Variants in IGLON5 observed in about 807,000 individuals in gnomAD.
IGLON5 encodes the protein IgLON family member 5, also known as Ig-like domain-containing protein ENSP00000270642.
Under a neutral mutation model 38.2 loss-of-function variants are expected in IGLON5, and 16 were observed. That is an observed-to-expected ratio of 0.42 (90% CI 0.28 to 0.64). The LOEUF (loss-of-function observed/expected upper bound fraction) is 0.64, where lower values mean the gene tolerates loss of function less well. Among genes scored for constraint, IGLON5 ranks in the 30% least tolerant of loss-of-function variants. The pLI, the probability that IGLON5 is intolerant of heterozygous loss-of-function variation, is 0.23. For synonymous variants in IGLON5, 207 were observed against 216.4 expected (o/e 0.96, Z 0.38); for missense variants, 366 against 483.4 (o/e 0.76, Z 2.28).
chr19:51,325,609 A>G lies in IGLON5; in HGVS notation c.511+144A>G. ...CTCCCACTCTGCTTCCAGTTATTTC[A>G]TCCACAGACCACAAACCCCAGACCT... is the stretch of plus-strand genomic sequence containing the variant. On this transcript the variant is annotated intron_variant, in intron 4 of 7. Coordinates refer to ENST00000270642, the MANE Select transcript of IGLON5 (RefSeq NM_001101372.3). This position sits in a 1 kb window ranked among gnomAD's most constrained non-coding sequence, Gnocchi z 5.5. 1.1e-6 allele frequency: 1 copy of G among 930,864 alleles called. No homozygotes were observed. The highest frequency in any genetic ancestry group is 1.6e-6 in the Non-Finnish European group (1 of 644,668). 57.7% of individuals were successfully genotyped at this position (930,864 alleles called of 1,614,324 possible). A position where few individuals can be genotyped will look rare whatever the true frequency, so the allele number is the denominator to read the frequency against.
chr19:51,313,893 T>C (rs368423490), intron 1 of IGLON5, among the ~76,000 whole-genome samples: 53 of 151,802 alleles, frequency 3.5e-4, no homozygotes, highest in African/African-American at 1.2e-3. Flanking sequence ...GGCTAATTTT[T>C]AATTTTTTTT....
At chr19:51,323,217 T>C (rs930355962) in intron 2 of IGLON5, among the ~76,000 whole-genome samples, 2 of 149,454 alleles carry the variant, frequency 1.3e-5, no homozygotes, top group Non-Finnish European at 3.0e-5. Flanking sequence ...TCCGGGTCTC[T>C]GTCCCCCTCT....
At position 51,311,968 on chromosome 19, in the gene IGLON5, G is replaced by A. The variant is rs528007599; in HGVS notation, c.79+42G>A. 467 of 1,127,434 alleles carry A rather than the reference G, an allele frequency of 4.1e-4. 3 individuals carry two copies. In the African/African-American group the frequency reaches 6.6e-3, roughly 16 times the overall value. The allele number at this position is 1,127,434 out of a possible 1,614,324, so 69.8% of individuals were successfully genotyped here. ...GGCGGGGGGCTCGGCCGGGACGCCA[G>A]GGTCTTGGGTGGGTAATCGGGGGAT... On this transcript the variant is annotated intron_variant, in intron 1 of 7. Transcript: ENST00000270642.
intron 2 of IGLON5, 33 bp from the exon 3 acceptor site, chr19:51,323,629 G>A (rs1199636458): frequency 5.7e-6 from 9 of 1,569,360 alleles, no homozygotes; most frequent in Admixed American, 5.2e-5. Context: ...CTGGGTGGGT[G>A]GAGAAAAACC....
At position 51,327,096 on chromosome 19, in the gene IGLON5, G is replaced by A. The variant is rs1326220571; in HGVS notation, c.663G>A (p.Thr221=). 5 of 1,609,522 alleles carry A rather than the reference G, an allele frequency of 3.1e-6. No homozygotes were observed. Among genetic ancestry groups the A allele is most frequent in the Non-Finnish European group, 4.2e-6 (5 of 1,178,036 alleles). Residue 221 remains threonine (T), a synonymous_variant, in exon 6 of 8, where the codon ACG becomes ACA. Transcript: ENST00000270642. The surrounding 1 kb of genome is among the most constrained non-coding windows in gnomAD (Gnocchi z 7.1). The stretch of plus-strand genomic sequence containing the variant: ...CCTCGCCAGATCCTCCGACCATCAC[G>A]GACGTGACCAGCGCCCGCACCGCGC... The part of the protein sequence containing the change: ...LVTVNYPPTI[T]DVTSARTALG...
In IGLON5 at chr19:51,325,278, C is replaced by G; in HGVS notation, c.392-68C>G. On this transcript the variant is annotated intron_variant, in intron 3 of 7. Transcript: ENST00000270642. This position sits in a 1 kb window ranked among gnomAD's most constrained non-coding sequence, Gnocchi z 5.5. ...GGGCTGGGGGTCTGGACTCCTGGGT[C>G]TGAAGGAGGAAGGGCTGGGGGCCTG... 1 of 1,573,222 alleles carries G rather than the reference C, an allele frequency of 6.4e-7. No individual in the cohort carries two copies. The highest frequency in any genetic ancestry group is 8.6e-7 in the Non-Finnish European group (1 of 1,160,110).
chr19:51,312,612 T>C (rs1372259587), intron 1 of IGLON5, among the ~76,000 whole-genome samples: 1 of 151,808 alleles, frequency 6.6e-6, no homozygotes, highest in African/African-American at 2.4e-5. Context: ...GAAGTTGGGG[T>C]GCTGGGCTGG....
chr19:51,328,698 C>T lies in IGLON5; in HGVS notation c.950C>T (p.Pro317Leu), dbSNP rs746022701. The T allele has an allele frequency of 3.5e-5, 56 of 1,594,358 alleles. No individual in the cohort carries two copies. The highest frequency in any genetic ancestry group is 4.5e-5 in the Non-Finnish European group (53 of 1,170,594). ...LRPGSLENSA[P>L]RPPGLLALLS... The stretch of plus-strand genomic sequence containing the variant: ...CCAGGATCCCTGGAGAACTCAGCCC[C>T]GAGGCCCCCAGGGCTCCTGGCCCTC... The change falls in exon 8 of 8, where the codon CCG becomes CTG. Residue 317 changes from proline to leucine, a missense_variant. Physicochemically the swap from Pro to Leu is moderately conservative, Grantham distance 98 (BLOSUM62 -3). Coordinates refer to ENST00000270642, the MANE Select transcript of IGLON5 (RefSeq NM_001101372.3).
rs543392533 is a variant in IGLON5 at position 51,327,008 on chromosome 19, G to C, written c.647-72G>C. On this transcript the variant is annotated intron_variant, in intron 5 of 7. Coordinates refer to ENST00000270642, the MANE Select transcript of IGLON5 (RefSeq NM_001101372.3). This position sits in a 1 kb window ranked among gnomAD's most constrained non-coding sequence, Gnocchi z 7.1. ...GGCGAGACTTACGGGCCTGAGGGAG[G>C]CGGGGGCTGGGGGCGGGACCCCTTC... 10 of 1,593,442 alleles carry C rather than the reference G, an allele frequency of 6.3e-6. No homozygotes were observed. The highest frequency in any genetic ancestry group is 5.6e-5 in the South Asian group (5 of 89,508).
intron 1 of IGLON5, among the ~76,000 whole-genome samples, chr19:51,316,344 CA>C (rs552905197): frequency 0.012 from 976 of 83,576 alleles, 2 homozygotes; most frequent in Non-Finnish European, 0.015. Context: ...TACCCTGTCT[CA>C]AAAAAAAAAA....
intron 1 of IGLON5, among the ~76,000 whole-genome samples, chr19:51,317,763 G>A (rs536168904): frequency 6.6e-6 from 1 of 152,320 alleles, no homozygotes; most frequent in South Asian, 2.1e-4. Flanking sequence ...GCCAACAGCT[G>A]AGCTAGACAC....
At chr19:51,313,695 CTTCT>C (rs1177387518) in intron 1 of IGLON5, among the ~76,000 whole-genome samples, 1 of 51,226 alleles carries the variant, frequency 2.0e-5, no homozygotes, top group Middle Eastern at 8.6e-3. Context: ...TTCTTTCTTT[CTTCT>C]TTCTTCTCTT....
At chr19:51,316,768 A>G (rs1341618338) in intron 1 of IGLON5, among the ~76,000 whole-genome samples, 1 of 152,120 alleles carries the variant, frequency 6.6e-6, no homozygotes, top group Non-Finnish European at 1.5e-5. Flanking sequence ...TGCTGGCATT[A>G]TAGGCGTGAA....
At chr19:51,317,305 C>T (rs1045696232) in intron 1 of IGLON5, among the ~76,000 whole-genome samples, 6 of 152,202 alleles carry the variant, frequency 3.9e-5, no homozygotes, top group Non-Finnish European at 5.9e-5. Context: ...AGCCAGCTCA[C>T]GGACGGCTGT....
chr19:51,325,256 C>CT lies in IGLON5; in HGVS notation c.392-89dup. The CT allele has an allele frequency of 6.5e-7, 1 of 1,539,430 alleles. No homozygotes were observed. Among genetic ancestry groups the CT allele is most frequent in the Non-Finnish European group, 8.8e-7 (1 of 1,139,526 alleles). On this transcript the variant is annotated intron_variant, in intron 3 of 7. Coordinates refer to ENST00000270642, the MANE Select transcript of IGLON5 (RefSeq NM_001101372.3). The surrounding 1 kb of genome is among the most constrained non-coding windows in gnomAD (Gnocchi z 5.5). ...CCTGGGTCTGAGGGAGGAGGAGGGG[C>CT]TGGGGGTCTGGACTCCTGGGTCTGA...
chr19:51,316,934 C>A (rs1984939587), intron 1 of IGLON5, among the ~76,000 whole-genome samples: 1 of 150,082 alleles, frequency 6.7e-6, no homozygotes, highest in Non-Finnish European at 1.5e-5. Context: ...AGTCTCATGC[C>A]CCGCCCCTCC....
At position 51,327,230 on chromosome 19, in the gene IGLON5, G is replaced by A. The variant is rs1489600985; in HGVS notation, c.767+30G>A. ...GGACAGCACTGAGGGGGCCGTGGGAGCGGGAAGGGGAGGTCTTTAGTCCCT... is the reference window on the plus strand; with the variant it reads ...GGACAGCACTGAGGGGGCCGTGGGAACGGGAAGGGGAGGTCTTTAGTCCCT... On this transcript the variant is annotated intron_variant, in intron 6 of 7. Transcript: ENST00000270642. The surrounding 1 kb of genome is among the most constrained non-coding windows in gnomAD (Gnocchi z 7.1). The A allele has an allele frequency of 6.3e-7, 1 of 1,594,682 alleles. No individual in the cohort carries two copies. The highest frequency in any genetic ancestry group is 2.2e-5 in the East Asian group (1 of 44,446).
intron 1 of IGLON5, among the ~76,000 whole-genome samples, chr19:51,320,940 T>C (rs10425505): frequency 0.54 from 81,166 of 151,604 alleles, 21,857 homozygotes; most frequent in Admixed American, 0.63. Context: ...TATGCATATA[T>C]ACTATGCGCT....
intron 1 of IGLON5, among the ~76,000 whole-genome samples, chr19:51,313,806 C>CA: frequency 6.6e-6 from 1 of 151,796 alleles, no homozygotes; most frequent in Non-Finnish European, 1.5e-5. Context: ...ACTGCAGCCT[C>CA]AATTTCCCTG....
Sources: allele counts gnomAD v4.1 joint callset (sites outside exome capture counted in the v4.1 genomes callset), GRCh38; gene constraint gnomAD v4.1.1; non-coding constraint Gnocchi (gnomAD v3.1); transcripts MANE v1.5; gene names NCBI Gene and HGNC (gene_info 2026-07-23, HGNC 2026-07-21).